OTUD7A: variants seen among roughly 807,000 people sequenced by gnomAD.
The protein encoded by OTUD7A is OTU domain-containing protein 7A.
OTUD7A carries 12 observed loss-of-function variants against 65.7 expected under a neutral mutation model. The ratio of observed to expected loss-of-function variants is 0.18; its 90% CI spans 0.12 to 0.30. OTUD7A has a LOEUF of 0.30. OTUD7A is among the 10% of genes least tolerant of loss of function. OTUD7A has a pLI of 1.00. For missense variants in OTUD7A, 1,148 were observed against 1,304.8 expected, an observed-to-expected ratio of 0.88 and a Z score of 1.85; for synonymous variants, 641 against 586.3, an observed-to-expected ratio of 1.09 and a Z score of -1.35.
rs187184430 is a variant in OTUD7A at position 31,762,070 on chromosome 15, G to A, written c.-99-104993C>T. On this transcript the variant is annotated intron_variant, in intron 1 of 12. Coordinates refer to ENST00000307050, the MANE Select transcript of OTUD7A (RefSeq NM_001382637.1). ...GAAGTGTTCCAAAATTAAATTGTGCGAATAGTTTCATATATCTGTGAATAT... is the reference window on the plus strand; with the variant it reads ...GAAGTGTTCCAAAATTAAATTGTGCAAATAGTTTCATATATCTGTGAATAT... Among the ~76,000 whole-genome samples, 483 of 152,308 alleles carry A rather than the reference G, an allele frequency of 3.2e-3. 4 individuals are homozygous for A. The highest frequency in any genetic ancestry group is 0.011 in the African/African-American group (446 of 41,560).
chr15:31,822,746 AG>A (rs1264980916), intron 1 of OTUD7A, among the ~76,000 whole-genome samples: 1 of 152,244 alleles, frequency 6.6e-6, no homozygotes, highest in Non-Finnish European at 1.5e-5. Flanking sequence ...TAATCCAGGC[AG>A]ACCCCTCAGG....
chr15:31,513,082 G>A (rs2041781304), intron 8 of OTUD7A, among the ~76,000 whole-genome samples: 2 of 152,164 alleles, frequency 1.3e-5, no homozygotes, highest in Admixed American at 1.3e-4. Context: ...TGTTGGCCAG[G>A]CTGGTCTCGA....
intron 1 of OTUD7A, among the ~76,000 whole-genome samples, chr15:31,854,503 T>C (rs964450631): frequency 1.3e-5 from 2 of 152,202 alleles, no homozygotes; most frequent in African/African-American, 4.8e-5. Context: ...GCTTCAGCTC[T>C]TGGTCCCCCA....
chr15:31,612,050 C>T (rs986697161), intron 3 of OTUD7A, among the ~76,000 whole-genome samples: 3 of 152,136 alleles, frequency 2.0e-5, no homozygotes, highest in Admixed American at 1.3e-4. Context: ...AAACAAAAAT[C>T]ATGTGATCAT....
At chr15:31,691,104 T>A (rs1892951455) in intron 1 of OTUD7A, among the ~76,000 whole-genome samples, 1 of 152,052 alleles carries the variant, frequency 6.6e-6, no homozygotes, top group Non-Finnish European at 1.5e-5. Flanking sequence ...CCTGAAAAAA[T>A]GGAAAGATAT....
At chr15:31,521,981 A>G (rs1340308606) in intron 8 of OTUD7A, among the ~76,000 whole-genome samples, 1 of 152,212 alleles carries the variant, frequency 6.6e-6, no homozygotes, top group Admixed American at 6.5e-5. Context: ...TATTTTCACC[A>G]TAGTCAAGAT....
intron 5 of OTUD7A, among the ~76,000 whole-genome samples, chr15:31,550,983 G>C (rs886799946): frequency 2.0e-5 from 3 of 152,212 alleles, no homozygotes; most frequent in African/African-American, 7.2e-5. Context: ...GTGTGGCCCA[G>C]GCTGTTGAGA....
rs995807618 is a variant in OTUD7A, at chr15:31,789,026, T to C, written c.-100+81481A>G. On this transcript the variant is annotated intron_variant, in intron 1 of 12. Transcript: ENST00000307050. ...TCTCTGGATTGTTGTCCTACAGCCA[T>C]TACCATAATCTTACACCCAGTTAGA... Among the ~76,000 whole-genome samples the C allele has an allele frequency of 1.2e-4, 18 of 152,180 alleles. 1 individual carries two copies. The highest frequency in any genetic ancestry group is 7.9e-4 in the Admixed American group (12 of 15,276).
In OTUD7A at chr15:31,484,661, C is replaced by T; in HGVS notation, c.1435G>A (p.Asp479Asn). ...SAGEDVQSLA[D>N]SLDSDRDSVC... ...GAATCGCGGTCCGAGTCCAGCGAGT[C>T]GGCCAGGGACTGCACGTCCTCCCCT... The change falls in exon 13 of 13, where the codon GAC becomes AAC. Residue 479 changes from aspartate to asparagine, a missense_variant. Physicochemically the swap from Asp to Asn is conservative, Grantham distance 23. Coordinates refer to ENST00000307050, the MANE Select transcript of OTUD7A (RefSeq NM_001382637.1). This position sits in a 1 kb window ranked among gnomAD's most constrained non-coding sequence, Gnocchi z 4.5. 6.3e-7 allele frequency: 1 copy of T among 1,582,256 alleles called. No homozygotes were observed. The highest frequency in any genetic ancestry group is 8.6e-7 in the Non-Finnish European group (1 of 1,166,992).
intron 1 of OTUD7A, among the ~76,000 whole-genome samples, chr15:31,671,685 T>A (rs570559872): frequency 1.3e-5 from 2 of 152,360 alleles, no homozygotes; most frequent in East Asian, 3.9e-4. Flanking sequence ...TTGATGTTTC[T>A]TTTTATGTGC....
At chr15:31,703,002 C>G (rs1441556853) in intron 1 of OTUD7A, among the ~76,000 whole-genome samples, 1 of 151,470 alleles carries the variant, frequency 6.6e-6, no homozygotes, top group Non-Finnish European at 1.5e-5. Context: ...ACAAATGGTG[C>G]TGGAACAAGG....
intron 10 of OTUD7A, among the ~76,000 whole-genome samples, chr15:31,496,169 T>C (rs920344040): frequency 6.6e-6 from 1 of 152,090 alleles, no homozygotes; most frequent in Admixed American, 6.5e-5. Context: ...ACTTCCTCCA[T>C]TATTTTATTC....
intron 1 of OTUD7A, among the ~76,000 whole-genome samples, chr15:31,699,640 C>A (rs1893167855): frequency 6.6e-6 from 1 of 152,158 alleles, no homozygotes; most frequent in South Asian, 2.1e-4. Context: ...AGAGAAAACA[C>A]ATCTGGCTCA....
chr15:31,652,000 CA>C (rs34951638), intron 3 of OTUD7A, among the ~76,000 whole-genome samples: 33,248 of 114,494 alleles, frequency 0.29, 3,831 homozygotes, highest in East Asian at 0.61. Context: ...CATAGAAAGG[CA>C]AAAAAAAAAA....
intron 3 of OTUD7A, among the ~76,000 whole-genome samples, chr15:31,630,819 T>C (rs1455095048): frequency 4.6e-5 from 7 of 152,288 alleles, no homozygotes; most frequent in African/African-American, 1.2e-4. Context: ...TCTTGTTGAA[T>C]TGATCCCTTT....
At chr15:31,745,342 TATATAA>T (rs1455592017) in intron 1 of OTUD7A, among the ~76,000 whole-genome samples, 1 of 151,964 alleles carries the variant, frequency 6.6e-6, no homozygotes, top group African/African-American at 2.4e-5. Context: ...TGAAGGCAAA[TATATAA>T]ATCAATGGGA....
At position 31,483,855 on chromosome 15, in the gene OTUD7A, G is replaced by A. The variant is rs1366168857; in HGVS notation, c.2241C>T (p.Gly747=). 2.0e-6 allele frequency: 2 copies of A among 980,762 alleles called. No individual in the cohort carries two copies. Among genetic ancestry groups the A allele is most frequent in the Admixed American group, 6.3e-5 (1 of 15,874 alleles). 60.8% of individuals were successfully genotyped at this position (980,762 alleles called of 1,614,324 possible). A position where few individuals can be genotyped will look rare whatever the true frequency, so the allele number is the denominator to read the frequency against. The change falls in exon 13 of 13, where the codon GGC becomes GGT. Residue 747 remains glycine (G), a synonymous_variant. Coordinates refer to ENST00000307050, the MANE Select transcript of OTUD7A (RefSeq NM_001382637.1). Reference sequence around the variant, plus strand: ...CGCCTCCCCCCGGGGAGGCCGTGCCGCCCGCCGCCGCCCGCGCCGCACGCC... The same window carrying A: ...CGCCTCCCCCCGGGGAGGCCGTGCCACCCGCCGCCGCCCGCGCCGCACGCC... ...AAGRAARAAA[G]GTASPGGGAR... is the part of the protein sequence containing the mutation.
At position 31,478,422 on chromosome 15, in the gene OTUD7A, A is replaced by G. The variant is rs1566873540; in HGVS notation, c.*4872T>C. The G allele has an allele frequency of 6.6e-6, 1 of 152,252 alleles. No individual in the cohort carries two copies. The highest frequency in any genetic ancestry group is 2.1e-4 in the South Asian group (1 of 4,838). The allele number at this position is 152,252 out of a possible 1,614,324, so 9.4% of individuals were successfully genotyped here. On this transcript the variant is annotated 3_prime_UTR_variant, in exon 13 of 13. Transcript: ENST00000307050. ...GCAATGTGCATCATTCTGTATGTAC[A>G]TAATTAGGATTAGTGAGGCCCCCTT... is the stretch of plus-strand genomic sequence containing the variant.
chr15:31,546,486 T>A (rs908059453), intron 5 of OTUD7A, among the ~76,000 whole-genome samples: 6 of 152,128 alleles, frequency 3.9e-5, no homozygotes, highest in African/African-American at 1.4e-4. Flanking sequence ...GAGCTTCAAC[T>A]CTCAAACTGT....
Sources: allele counts gnomAD v4.1 joint callset (sites outside exome capture counted in the v4.1 genomes callset), GRCh38; gene constraint gnomAD v4.1.1; non-coding constraint Gnocchi (gnomAD v3.1); transcripts MANE v1.5; gene names NCBI Gene and HGNC (gene_info 2026-07-23, HGNC 2026-07-21).